LRRIQ1: variants seen among roughly 807,000 people sequenced by gnomAD.
The protein encoded by LRRIQ1 is leucine-rich repeat- and IQ domain-containing protein 1.
Under a neutral mutation model 211.9 loss-of-function variants are expected in LRRIQ1, and 210 were observed. The ratio of observed to expected loss-of-function variants is 0.99; its 90% CI spans 0.89 to 1.11. The LOEUF (loss-of-function observed/expected upper bound fraction) is 1.11. Among genes scored for constraint, LRRIQ1 ranks in the 50% most tolerant of loss-of-function variants. The probability of loss-of-function intolerance (pLI) is 0.00; values close to 1 mark genes in which losing one functional copy is unlikely to be tolerated. For synonymous variants in LRRIQ1, 699 were observed against 650.1 expected, an observed-to-expected ratio of 1.08 and a Z score of -1.14; for missense variants, 2,136 against 1,939.5, an observed-to-expected ratio of 1.10 and a Z score of -1.90.
intron 24 of LRRIQ1, among the ~76,000 whole-genome samples, chr12:85,197,530 G>A (rs1892990050): frequency 6.6e-6 from 1 of 150,436 alleles, no homozygotes; most frequent in Admixed American, 6.7e-5. Context: ...CATTTGTAGG[G>A]ACATGGATGA....
At chr12:85,216,354 T>C (rs1392424658) in intron 24 of LRRIQ1, among the ~76,000 whole-genome samples, 2 of 152,100 alleles carry the variant, frequency 1.3e-5, no homozygotes, top group Non-Finnish European at 2.9e-5. Flanking sequence ...TTCTTCTTTT[T>C]ATGGCTGCAT....
intron 24 of LRRIQ1, among the ~76,000 whole-genome samples, chr12:85,182,890 G>C (rs916473593): frequency 6.6e-6 from 1 of 152,182 alleles, no homozygotes; most frequent in Non-Finnish European, 1.5e-5. Context: ...CCGAGGCAGT[G>C]TTGATCTGAA....
At chr12:85,050,226 A>G (rs1463124815) in intron 6 of LRRIQ1, among the ~76,000 whole-genome samples, 5 of 151,700 alleles carry the variant, frequency 3.3e-5, no homozygotes, top group Non-Finnish European at 5.9e-5. Flanking sequence ...AGATTTGGGT[A>G]GGAACTAACA....
intron 6 of LRRIQ1, among the ~76,000 whole-genome samples, chr12:85,051,196 G>T (rs79875231): frequency 4.1e-4 from 61 of 148,710 alleles, no homozygotes; most frequent in African/African-American, 1.4e-3. Context: ...TCTCTCTCTC[G>T]CTCCCTCTCT....
intron 18 of LRRIQ1, among the ~76,000 whole-genome samples, chr12:85,135,626 G>T (rs1889070353): frequency 1.6e-5 from 2 of 124,420 alleles, no homozygotes; most frequent in East Asian, 2.3e-4. Flanking sequence ...AGATTAATGA[G>T]GTCTCCTAGC....
At chr12:85,220,209 A>T (rs2137123769) in intron 24 of LRRIQ1, among the ~76,000 whole-genome samples, 1 of 152,282 alleles carries the variant, frequency 6.6e-6, no homozygotes, top group African/African-American at 2.4e-5. Flanking sequence ...AAATGAACTC[A>T]TCTCTATTAA....
At chr12:85,106,162 C>G (rs929500370) in intron 14 of LRRIQ1, among the ~76,000 whole-genome samples, 1 of 152,150 alleles carries the variant, frequency 6.6e-6, no homozygotes, top group African/African-American at 2.4e-5. Context: ...AATTTTAACA[C>G]TTATCCTATT....
intron 14 of LRRIQ1, among the ~76,000 whole-genome samples, chr12:85,104,500 A>C (rs1435411281): frequency 6.6e-6 from 1 of 151,964 alleles, no homozygotes; most frequent in Non-Finnish European, 1.5e-5. Flanking sequence ...GCAGCCACAG[A>C]CTGAATTTAT....
intron 1 of LRRIQ1, among the ~76,000 whole-genome samples, chr12:85,258,395 T>C (rs1401841741): frequency 6.6e-6 from 1 of 151,868 alleles, no homozygotes; most frequent in East Asian, 1.9e-4. Flanking sequence ...AAAAATACTT[T>C]TATTCACTGA....
intron 11 of LRRIQ1, among the ~76,000 whole-genome samples, chr12:85,075,665 T>C (rs746375028): frequency 9.2e-5 from 14 of 151,962 alleles, no homozygotes; most frequent in Admixed American, 3.9e-4. Context: ...ACCTCCAGCA[T>C]TGAGGATTAG....
rs550434066 is a variant in LRRIQ1 at position 85,230,353 on chromosome 12, T to A, written c.4955+704T>A. Among the ~76,000 whole-genome samples, 4 of 152,314 alleles carry A rather than the reference T, an allele frequency of 2.6e-5. No homozygotes were observed. In the South Asian group the frequency reaches 8.3e-4, roughly 32 times the overall value. On this transcript the variant is annotated intron_variant, in intron 25 of 26. Coordinates refer to ENST00000393217, the MANE Select transcript of LRRIQ1 (RefSeq NM_001079910.2). ...AAGATCAAGGTGTCAGCAGGTTTAG[T>A]ATCTTTGGAGACCTTCTCCTTTGTT...
At chr12:85,052,126 A>G (rs746321954) in intron 6 of LRRIQ1, 51 bp from the exon 7 acceptor site, 13 of 991,410 alleles carry the variant, frequency 1.3e-5, no homozygotes, top group Non-Finnish European at 1.8e-5. Flanking sequence ...TAATTAACAT[A>G]ATATTTTTGA....
chr12:85,124,461 G>A lies in LRRIQ1; in HGVS notation c.3949G>A (p.Val1317Ile). The A allele has an allele frequency of 6.2e-7, 1 of 1,613,760 alleles. No homozygotes were observed. Residue 1317 changes from valine to isoleucine, a missense_variant, in exon 17 of 27, where the codon GTA (valine) becomes ATA (isoleucine). Coordinates refer to ENST00000393217, the MANE Select transcript of LRRIQ1 (RefSeq NM_001079910.2). ...IPTIRIPFKE[V>I]VMTNSLLRNH... ...CACCATAAGAATCCCATTTAAGGAA[G>A]TAGTAATGACAAATTCTTTGCTGAG...
intron 1 of LRRIQ1, among the ~76,000 whole-genome samples, chr12:85,258,268 A>G (rs969939131): frequency 3.3e-5 from 5 of 151,924 alleles, no homozygotes; most frequent in African/African-American, 9.7e-5. Context: ...AGTACCAAAC[A>G]TAAGTGATTT....
intron 1 of LRRIQ1, among the ~76,000 whole-genome samples, chr12:85,261,688 A>C (rs1896292292): frequency 6.6e-6 from 1 of 151,938 alleles, no homozygotes; most frequent in African/African-American, 2.4e-5. Context: ...CCCTTTCCCC[A>C]CAGATACAGC....
intron 24 of LRRIQ1, among the ~76,000 whole-genome samples, chr12:85,213,992 T>A (rs939589504): frequency 6.6e-6 from 1 of 151,886 alleles, no homozygotes; most frequent in Non-Finnish European, 1.5e-5. Flanking sequence ...AATAAAATAA[T>A]ATTGTGAACA....
chr12:85,248,679 C>A (rs1895806687), downstream of LRRIQ1, among the ~76,000 whole-genome samples: 1 of 151,598 alleles, frequency 6.6e-6, no homozygotes, highest in Admixed American at 6.6e-5. Flanking sequence ...CTGAATGTGA[C>A]AGAAAACATT....
chr12:85,105,034 T>A (rs530518374), intron 14 of LRRIQ1, among the ~76,000 whole-genome samples: 20 of 152,206 alleles, frequency 1.3e-4, no homozygotes, highest in African/African-American at 3.8e-4. Context: ...TATTGGTGAT[T>A]TTTGCACCCT....
chr12:85,152,773 G>A (rs1890323034), intron 20 of LRRIQ1, among the ~76,000 whole-genome samples: 1 of 151,466 alleles, frequency 6.6e-6, no homozygotes, highest in Non-Finnish European at 1.5e-5. Flanking sequence ...TGAAGTTTTA[G>A]TTTTCTGAGA....
Sources: allele counts gnomAD v4.1 joint callset (sites outside exome capture counted in the v4.1 genomes callset), GRCh38; gene constraint gnomAD v4.1.1; transcripts MANE v1.5; gene names NCBI Gene and HGNC (gene_info 2026-07-23, HGNC 2026-07-21).